FAM135B: variants seen among roughly 807,000 people sequenced by gnomAD.
FAM135B encodes the protein protein FAM135B.
A neutral mutation model predicts 127.7 loss-of-function variants in FAM135B; 43 were observed. That is an observed-to-expected ratio of 0.34 (90% CI 0.26 to 0.43). FAM135B has a LOEUF of 0.43. Ranked by LOEUF, FAM135B falls within the 20% of genes least tolerant of loss-of-function variation. The pLI is 1.00. For missense variants in FAM135B, 1,558 were observed against 1,725.6 expected (o/e 0.90, Z 1.72); for synonymous variants, 670 against 665.1 (o/e 1.01, Z -0.11).
At chr8:138,159,727 C>T (rs1389288560) in intron 12 of FAM135B, among the ~76,000 whole-genome samples, 3 of 151,658 alleles carry the variant, frequency 2.0e-5, no homozygotes, top group African/African-American at 4.8e-5. Context: ...GCACATTGTG[C>T]ACTTGTACCC....
chr8:138,172,963 C>T (rs1389634759), intron 11 of FAM135B, among the ~76,000 whole-genome samples: 4 of 152,152 alleles, frequency 2.6e-5, no homozygotes, highest in Non-Finnish European at 5.9e-5. Flanking sequence ...CATAGGTCGG[C>T]CTTGCACACC....
chr8:138,168,002 T>C lies in FAM135B; in HGVS notation c.1151A>G (p.Tyr384Cys). ...QLSLDIRNSEYLTSMPPLPAE... is the reference protein window; with the variant it reads ...QLSLDIRNSECLTSMPPLPAE... ...AGGCAGCGGGGGCATGCTAGTGAGG[T>C]ACTCCGAGTTCCGGATATCCAGGGA... Residue 384 changes from tyrosine to cysteine, a missense_variant, in exon 12 of 20, where the codon TAC (tyrosine) becomes TGC (cysteine). Transcript: ENST00000395297. 1 of 1,613,866 alleles carries C rather than the reference T, an allele frequency of 6.2e-7. No homozygotes were observed. The highest frequency in any genetic ancestry group is 8.5e-7 in the Non-Finnish European group (1 of 1,179,854).
chr8:138,363,056 T>C (rs369746324), intron 2 of FAM135B, among the ~76,000 whole-genome samples: 9 of 152,242 alleles, frequency 5.9e-5, no homozygotes, highest in Admixed American at 6.5e-5. Context: ...AGCTGGAACT[T>C]GTATAGCATA....
intron 9 of FAM135B, among the ~76,000 whole-genome samples, chr8:138,179,845 C>T (rs1245013051): frequency 2.0e-5 from 3 of 152,110 alleles, no homozygotes; most frequent in Non-Finnish European, 4.4e-5. Flanking sequence ...CATGCCACTG[C>T]ACCCAGACAA....
In FAM135B at chr8:138,132,933, G is replaced by A; in HGVS notation, c.4016-135C>T. ...CAGCAGTTTCCAACCTCTTCCTAATGTTAGTGAAATTAATATGAAATAAAA... is the reference window on the plus strand; with the variant it reads ...CAGCAGTTTCCAACCTCTTCCTAATATTAGTGAAATTAATATGAAATAAAA... On this transcript the variant is annotated intron_variant, in intron 19 of 19. Transcript: ENST00000395297. This position sits in a 1 kb window ranked among gnomAD's most constrained non-coding sequence, Gnocchi z 4.5. 1 of 713,394 alleles carries A rather than the reference G, an allele frequency of 1.4e-6. No individual in the cohort carries two copies. The highest frequency in any genetic ancestry group is 1.7e-5 in the South Asian group (1 of 57,184). The allele number at this position is 713,394 out of a possible 1,614,324, so 44.2% of individuals were successfully genotyped here. A position where few individuals can be genotyped will look rare whatever the true frequency, so the allele number is the denominator to read the frequency against.
intron 1 of FAM135B, among the ~76,000 whole-genome samples, chr8:138,431,511 C>T (rs1835185873): frequency 6.6e-6 from 1 of 152,176 alleles, no homozygotes; most frequent in African/African-American, 2.4e-5. Flanking sequence ...TGGAACACAA[C>T]CACACCCATT....
Position 138,210,817 on chromosome 8 carries a change from A to G in FAM135B, c.670-13148T>C, listed in dbSNP as rs1255261811. ...GTAGGGAATCCAGAAAGTGTATCAG[A>G]ACAAACAAGCATAGGAAACATATTC... On this transcript the variant is annotated intron_variant, in intron 7 of 19. Coordinates refer to ENST00000395297, the MANE Select transcript of FAM135B (RefSeq NM_015912.4). 2.6e-5 allele frequency among the ~76,000 whole-genome samples: 4 copies of G among 152,212 alleles called. No individual in the cohort carries two copies. The East Asian group carries it at 7.7e-4, about 29-fold the overall frequency.
intron 2 of FAM135B, among the ~76,000 whole-genome samples, chr8:138,359,368 G>A (rs1830277031): frequency 6.6e-6 from 1 of 152,150 alleles, no homozygotes; most frequent in Admixed American, 6.5e-5. Context: ...AAAGTCATGA[G>A]ACTGGAATGA....
Position 138,130,331 on chromosome 8 carries a change from A to G in FAM135B, c.*2262T>C, listed in dbSNP as rs1816100884. 6.6e-6 allele frequency: 1 copy of G among 152,126 alleles called. No individual in the cohort carries two copies. Among genetic ancestry groups the G allele is most frequent in the Non-Finnish European group, 1.5e-5 (1 of 68,040 alleles). The allele number at this position is 152,126 out of a possible 1,614,324, so 9.4% of individuals were successfully genotyped here. On this transcript the variant is annotated 3_prime_UTR_variant, in exon 20 of 20. Coordinates refer to ENST00000395297, the MANE Select transcript of FAM135B (RefSeq NM_015912.4). ...ACTCTTATTTACAATATAGAGATGT[A>G]CTTTCTACACAATTATAATAGATGC...
chr8:138,187,056 G>T (rs907941748), intron 9 of FAM135B, among the ~76,000 whole-genome samples: 1 of 152,194 alleles, frequency 6.6e-6, no homozygotes, highest in Non-Finnish European at 1.5e-5. Flanking sequence ...CATGGGCAGG[G>T]AGCCAGCATT....
At chr8:138,236,120 G>C (rs1274206340) in intron 7 of FAM135B, among the ~76,000 whole-genome samples, 1 of 152,100 alleles carries the variant, frequency 6.6e-6, no homozygotes, top group South Asian at 2.1e-4. Flanking sequence ...GATGTTCTCA[G>C]ATTCCAAGGC....
chr8:138,437,310 A>G (rs1042254820), intron 1 of FAM135B: 3 of 152,180 alleles, frequency 2.0e-5, no homozygotes, highest in Admixed American at 6.5e-5. Flanking sequence ...TTGAATTATA[A>G]TCCCCATAAT....
chr8:138,241,228 C>G lies in FAM135B; in HGVS notation c.669+1714G>C, dbSNP rs1487028736. Reference sequence around the variant, plus strand: ...GCTACAGGGCTCACTGCTTTCCACTCGCTTTCTTACTCATTCACTTCCTAT... The same window carrying G: ...GCTACAGGGCTCACTGCTTTCCACTGGCTTTCTTACTCATTCACTTCCTAT... On this transcript the variant is annotated intron_variant, in intron 7 of 19. Coordinates refer to ENST00000395297, the MANE Select transcript of FAM135B (RefSeq NM_015912.4). This position sits in a 1 kb window ranked among gnomAD's most constrained non-coding sequence, Gnocchi z 4.8. Among the ~76,000 whole-genome samples, 1 of 152,194 alleles carries G rather than the reference C, an allele frequency of 6.6e-6. No homozygotes were observed. Among genetic ancestry groups the G allele is most frequent in the Non-Finnish European group, 1.5e-5 (1 of 68,040 alleles).
At chr8:138,186,896 T>G (rs1815634094) in intron 9 of FAM135B, among the ~76,000 whole-genome samples, 1 of 152,216 alleles carries the variant, frequency 6.6e-6, no homozygotes, top group Admixed American at 6.5e-5. Flanking sequence ...GGTGGCCTTG[T>G]GTTTAGGCCC....
intron 1 of FAM135B, among the ~76,000 whole-genome samples, chr8:138,414,893 T>A (rs1834056301): frequency 6.6e-6 from 1 of 152,108 alleles, no homozygotes; most frequent in African/African-American, 2.4e-5. Flanking sequence ...TCCTCATCCC[T>A]CATTCGAATT....
At chr8:138,140,396 A>T (rs1371083561) in intron 17 of FAM135B, among the ~76,000 whole-genome samples, 1 of 152,204 alleles carries the variant, frequency 6.6e-6, no homozygotes, top group East Asian at 1.9e-4. Context: ...AGTTGTTAAG[A>T]ACATGATTTA....
intron 1 of FAM135B, among the ~76,000 whole-genome samples, chr8:138,373,201 A>T (rs1587271674): frequency 6.6e-6 from 1 of 152,076 alleles, no homozygotes; most frequent in Non-Finnish European, 1.5e-5. Flanking sequence ...GAAGTCAGGG[A>T]CCCCAAATGG....
chr8:138,483,500 C>G (rs886428055), intron 1 of FAM135B, among the ~76,000 whole-genome samples: 1 of 152,178 alleles, frequency 6.6e-6, no homozygotes, highest in Non-Finnish European at 1.5e-5. Flanking sequence ...TGAGGTGAAT[C>G]TGAATCCATG....
At chr8:138,497,428 G>A (rs374548565), upstream of FAM135B, among the ~76,000 whole-genome samples, 22 of 151,982 alleles carry the variant, frequency 1.4e-4, no homozygotes, top group East Asian at 2.7e-3. Flanking sequence ...ACTGACCGGC[G>A]CGAGCATGCT....
Sources: allele counts gnomAD v4.1 joint callset (sites outside exome capture counted in the v4.1 genomes callset), GRCh38; gene constraint gnomAD v4.1.1; non-coding constraint Gnocchi (gnomAD v3.1); transcripts MANE v1.5; gene names NCBI Gene and HGNC (gene_info 2026-07-23, HGNC 2026-07-21).